The following PCDHGA3 variants were observed in gnomAD, a reference collection of about 807,000 sequenced individuals.
PCDHGA3 encodes the protein protocadherin gamma subfamily A, 3, also known as protocadherin gamma-A3.
Under a neutral mutation model 58.5 loss-of-function variants are expected in PCDHGA3, and 40 were observed. The observed-to-expected ratio is 0.68, with a 90% CI of 0.53 to 0.89. PCDHGA3 has a LOEUF of 0.89. Among genes scored for constraint, PCDHGA3 ranks in the 40% least tolerant of loss-of-function variants. The pLI is 0.00. For synonymous variants in PCDHGA3, 530 were observed against 525.7 expected, an observed-to-expected ratio of 1.01 and a Z score of -0.11; for missense variants, 1,223 against 1,195.9, an observed-to-expected ratio of 1.02 and a Z score of -0.33.
At chr5:141,350,357 T>A in intron 1 of PCDHGA3, 2 of 1,568,848 alleles carry the variant, frequency 1.3e-6, no homozygotes, top group Non-Finnish European at 1.7e-6. Flanking sequence ...GCAGATCCGA[T>A]ACACGATTCC....
intron 1 of PCDHGA3, among the ~76,000 whole-genome samples, chr5:141,464,747 G>A (rs969116049): frequency 2.0e-5 from 3 of 151,812 alleles, no homozygotes; most frequent in Admixed American, 2.0e-4. Context: ...ATATCTTTTT[G>A]TTTTTTTAGA....
rs748280514 is a variant in PCDHGA3 at position 141,345,754 on chromosome 5, G to C, written c.1721G>C (p.Gly574Ala). 1.2e-6 allele frequency: 2 copies of C among 1,614,208 alleles called. No homozygotes were observed. Among genetic ancestry groups the C allele is most frequent in the Non-Finnish European group, 1.7e-6 (2 of 1,180,046 alleles). The change falls in exon 1 of 4, where the codon GGC becomes GCC. Residue 574 changes from glycine to alanine, a missense_variant. Physicochemically the swap from Gly to Ala is moderately conservative, Grantham distance 60. Around this residue, in one of 3 missense-constraint regions of PCDHGA3, gnomAD observed 107 missense variants for 159.8 expected, o/e 0.67. Transcript: ENST00000253812. Reference sequence around the variant, plus strand: ...GCCCTCCCCACAGACGGTTCCACTGGCGTGGAGCTGGCGCCTCGCTCCGCA... The same window carrying C: ...GCCCTCCCCACAGACGGTTCCACTGCCGTGGAGCTGGCGCCTCGCTCCGCA... ...YPALPTDGST[G>A]VELAPRSAEP...
At position 141,371,103 on chromosome 5, in the gene PCDHGA3, G is replaced by T. The variant is rs1232346882; in HGVS notation, c.2424+24646G>T. The stretch of plus-strand genomic sequence containing the variant: ...CAGGGTAATTGTCGCAGATGCAAAT[G>T]ATAACCCCCCAGTATTTACTCAGGA... On this transcript the variant is annotated intron_variant, in intron 1 of 3. Transcript: ENST00000253812. 4 of 1,613,708 alleles carry T rather than the reference G, an allele frequency of 2.5e-6. No individual in the cohort carries two copies. The African/African-American group carries it at 5.3e-5, about 22-fold the overall frequency.
At chr5:141,399,644 A>G (rs2093855347) in intron 1 of PCDHGA3, 2 of 1,613,810 alleles carry the variant, frequency 1.2e-6, no homozygotes, top group Non-Finnish European at 8.5e-7. Context: ...ATGAGCGCGC[A>G]AAGTGGGGTG....
chr5:141,413,747 A>G (rs1208637349), intron 1 of PCDHGA3: 7 of 1,613,230 alleles, frequency 4.3e-6, no homozygotes, highest in African/African-American at 4.0e-5. Flanking sequence ...AGCCGTGCCA[A>G]TGGCGTCAAG....
intron 1 of PCDHGA3, chr5:141,415,453 G>A (rs759873920): frequency 1.9e-6 from 3 of 1,614,176 alleles, no homozygotes. Context: ...CTATTCCCAC[G>A]AGGTCTCTCT....
At position 141,489,074 on chromosome 5, in the gene PCDHGA3, C is replaced by A; in HGVS notation, c.2425-5733C>A. On this transcript the variant is annotated intron_variant, in intron 1 of 3. Coordinates refer to ENST00000253812, the MANE Select transcript of PCDHGA3 (RefSeq NM_018916.4). The surrounding 1 kb of genome is among the most constrained non-coding windows in gnomAD (Gnocchi z 4.5). ...TTCAGCTCCCCTCCCCCCTGCCCAC[C>A]CCCGCCACTCGGTGACTAAGAACTG... 9.4e-6 allele frequency: 3 copies of A among 320,798 alleles called. No individual in the cohort carries two copies. The highest frequency in any genetic ancestry group is 1.7e-5 in the Non-Finnish European group (3 of 177,744). 19.9% of individuals were successfully genotyped at this position (320,798 alleles called of 1,614,324 possible). A position where few individuals can be genotyped will look rare whatever the true frequency, so the allele number is the denominator to read the frequency against.
Position 141,432,492 on chromosome 5 carries a change from C to G in PCDHGA3, c.2425-62315C>G. The G allele has an allele frequency of 6.2e-7, 1 of 1,614,168 alleles. No individual in the cohort carries two copies. The highest frequency in any genetic ancestry group is 8.5e-7 in the Non-Finnish European group (1 of 1,180,040). On this transcript the variant is annotated intron_variant, in intron 1 of 3. Transcript: ENST00000253812. This position sits in a 1 kb window ranked among gnomAD's most constrained non-coding sequence, Gnocchi z 6.0. Reference sequence around the variant, plus strand: ...GACGGTTCCACTGGCGTGGAGCTGGCTCCCCGCTCCGCAGAGCCCGGCTAC... The same window carrying G: ...GACGGTTCCACTGGCGTGGAGCTGGGTCCCCGCTCCGCAGAGCCCGGCTAC...
chr5:141,486,162 T>G lies in PCDHGA3; in HGVS notation c.2425-8645T>G, dbSNP rs763023343. ...GCTCGCGATGGGGGTTCTCCAGCCA[T>G]GGAGCAACATTGCAGCCTTCGAGTG... On this transcript the variant is annotated intron_variant, in intron 1 of 3. Coordinates refer to ENST00000253812, the MANE Select transcript of PCDHGA3 (RefSeq NM_018916.4). The surrounding 1 kb of genome is among the most constrained non-coding windows in gnomAD (Gnocchi z 5.0). The G allele has an allele frequency of 6.2e-7, 1 of 1,614,170 alleles. No individual in the cohort carries two copies. Among genetic ancestry groups the G allele is most frequent in the Non-Finnish European group, 8.5e-7 (1 of 1,180,026 alleles).
Position 141,408,776 on chromosome 5 carries a change from C to T in PCDHGA3, c.2424+62319C>T, listed in dbSNP as rs748401410. 54 of 1,611,566 alleles carry T rather than the reference C, an allele frequency of 3.4e-5. No homozygotes were observed. The highest frequency in any genetic ancestry group is 4.4e-5 in the Non-Finnish European group (52 of 1,178,840). On this transcript the variant is annotated intron_variant, in intron 1 of 3. Coordinates refer to ENST00000253812, the MANE Select transcript of PCDHGA3 (RefSeq NM_018916.4). Reference sequence around the variant, plus strand: ...AGTTAATTCCGATGGTGGCAAATACCCAGAGTTATCTCTGGAGAAACTCCT... The same window carrying T: ...AGTTAATTCCGATGGTGGCAAATACTCAGAGTTATCTCTGGAGAAACTCCT...
Position 141,489,533 on chromosome 5 carries a change from C to G in PCDHGA3, c.2425-5274C>G, listed in dbSNP as rs754586925. The G allele has an allele frequency of 6.2e-7, 1 of 1,614,086 alleles. No individual in the cohort carries two copies. The highest frequency in any genetic ancestry group is 1.7e-5 in the Admixed American group (1 of 60,030). ...ATTGACCGAGAAAGCCTATGTGGAG[C>G]CAGCACCAGCTGCCTGCTGCCAGTG... On this transcript the variant is annotated intron_variant, in intron 1 of 3. Coordinates refer to ENST00000253812, the MANE Select transcript of PCDHGA3 (RefSeq NM_018916.4). The surrounding 1 kb of genome is among the most constrained non-coding windows in gnomAD (Gnocchi z 4.5).
chr5:141,454,892 C>T (rs1389056318), intron 1 of PCDHGA3, among the ~76,000 whole-genome samples: 4 of 146,994 alleles, frequency 2.7e-5, no homozygotes, highest in Non-Finnish European at 5.9e-5. Context: ...ACTGCTAGCA[C>T]CGCCTCCCGG....
intron 1 of PCDHGA3, chr5:141,419,559 T>C: frequency 6.2e-7 from 1 of 1,611,930 alleles, no homozygotes. Context: ...TACCCTGCGC[T>C]GGGTCCCGAC....
chr5:141,382,838 A>G, intron 1 of PCDHGA3: 2 of 1,445,878 alleles, frequency 1.4e-6, no homozygotes, highest in Non-Finnish European at 1.9e-6. Context: ...GTCCACCCGG[A>G]TACACCCGCA....
At chr5:141,388,697 G>T in intron 1 of PCDHGA3, 1 of 1,613,998 alleles carries the variant, frequency 6.2e-7, no homozygotes, top group South Asian at 1.1e-5. Flanking sequence ...ACCAGGATGA[G>T]GGTGTCAATG....
chr5:141,355,504 T>C (rs1759880849), intron 1 of PCDHGA3: 8 of 1,614,034 alleles, frequency 5.0e-6, no homozygotes, highest in Non-Finnish European at 6.8e-6. Context: ...ATCTCCAAAC[T>C]GTGTGACAAA....
intron 1 of PCDHGA3, among the ~76,000 whole-genome samples, chr5:141,456,845 C>T (rs1308477735): frequency 6.6e-6 from 1 of 152,092 alleles, no homozygotes; most frequent in African/African-American, 2.4e-5. Context: ...CGCCTGTAAT[C>T]CCAGCTAATT....
At chr5:141,416,210 A>G (rs1264276644) in intron 1 of PCDHGA3, 2 of 152,420 alleles carry the variant, frequency 1.3e-5, no homozygotes, top group African/African-American at 4.8e-5. Flanking sequence ...TATTTATAAC[A>G]ATGTATGCTT....
intron 1 of PCDHGA3, chr5:141,478,024 C>T: frequency 2.5e-6 from 4 of 1,614,188 alleles, no homozygotes; most frequent in Non-Finnish European, 3.4e-6. Context: ...CAGTCCAAGA[C>T]ACAGATTCAC....
Sources: allele counts gnomAD v4.1 joint callset (sites outside exome capture counted in the v4.1 genomes callset), GRCh38; gene constraint gnomAD v4.1.1; regional missense constraint gnomAD v4.1.1; non-coding constraint Gnocchi (gnomAD v3.1); transcripts MANE v1.5; gene names NCBI Gene and HGNC (gene_info 2026-07-23, HGNC 2026-07-21).